PTPN14: variants seen among roughly 807,000 people sequenced by gnomAD.
The protein encoded by PTPN14 is tyrosine-protein phosphatase non-receptor type 14.
Under a neutral mutation model 126.8 loss-of-function variants are expected in PTPN14, and 53 were observed. The ratio of observed to expected loss-of-function variants is 0.42; its 90% confidence interval spans 0.34 to 0.53. The LOEUF is 0.53. Among genes scored for constraint, PTPN14 ranks in the 20% least tolerant of loss-of-function variants. PTPN14 has a pLI of 0.08. For synonymous variants in PTPN14, 630 were observed against 599.3 expected, an observed-to-expected ratio of 1.05 and a Z score of -0.75; for missense variants, 1,257 against 1,552.9, an observed-to-expected ratio of 0.81 and a Z score of 3.20.
intron 1 of PTPN14, among the ~76,000 whole-genome samples, chr1:214,527,385 G>A (rs1171481007): frequency 6.6e-6 from 1 of 152,042 alleles, no homozygotes; most frequent in African/African-American, 2.4e-5. Context: ...AATTCTCAAG[G>A]GGACTCAGCT....
At chr1:214,458,048 GAGAGAGAT>G (rs1229190119) in intron 2 of PTPN14, among the ~76,000 whole-genome samples, 1 of 146,640 alleles carries the variant, frequency 6.8e-6, no homozygotes, top group African/African-American at 2.7e-5. Flanking sequence ...TAGAGAGAGA[GAGAGAGAT>G]AGAGAGAGAG....
At chr1:214,461,466 G>A (rs371024995) in intron 2 of PTPN14, among the ~76,000 whole-genome samples, 6 of 151,728 alleles carry the variant, frequency 4.0e-5, no homozygotes, top group Non-Finnish European at 5.9e-5. Flanking sequence ...GATCCCATCC[G>A]TACAAAAAAT....
chr1:214,358,514 C>A (rs746087614), intron 18 of PTPN14, among the ~76,000 whole-genome samples: 43 of 152,114 alleles, frequency 2.8e-4, no homozygotes, highest in Non-Finnish European at 5.7e-4. Flanking sequence ...TCTCAACTCC[C>A]CTGCAACCCA....
intron 8 of PTPN14, 67 bp downstream of exon 8, chr1:214,397,846 A>G: frequency 1.4e-5 from 19 of 1,324,624 alleles, no homozygotes; most frequent in Non-Finnish European, 2.0e-5. Context: ...TTGGATGTTA[A>G]TGTAACATTA....
At chr1:214,448,418 A>AT (rs1660196113) in intron 3 of PTPN14, among the ~76,000 whole-genome samples, 2 of 100,464 alleles carry the variant, frequency 2.0e-5, no homozygotes, top group Non-Finnish European at 4.3e-5. Context: ...TTTTTTTTGT[A>AT]TTTTTTTAGT....
intron 11 of PTPN14, 133 bp from the exon 12 acceptor site, chr1:214,387,055 C>T: frequency 1.4e-6 from 1 of 724,608 alleles, no homozygotes; most frequent in Non-Finnish European, 2.3e-6. Context: ...CCCTGCCACC[C>T]CTTTGACTCA....
chr1:214,468,401 C>G (rs1660686905), intron 1 of PTPN14, among the ~76,000 whole-genome samples: 1 of 152,020 alleles, frequency 6.6e-6, no homozygotes, highest in Non-Finnish European at 1.5e-5. Flanking sequence ...ACCAAAAATA[C>G]AAAAATTAGC....
At chr1:214,538,902 C>A (rs1386264159) in intron 1 of PTPN14, among the ~76,000 whole-genome samples, 1 of 152,154 alleles carries the variant, frequency 6.6e-6, no homozygotes. Flanking sequence ...CAAATTTAAA[C>A]TGAACGTTAC....
rs114102400 is a variant in PTPN14 at position 214,435,507 on chromosome 1, A to C, written c.344+16298T>G. Among the ~76,000 whole-genome samples the C allele has an allele frequency of 9.9e-3, 1,505 of 152,280 alleles. 12 individuals carry two copies. Among genetic ancestry groups the C allele is most frequent in the African/African-American group, 0.034 (1,425 of 41,550 alleles). ...GTTCATGAAACCCTTTAAAAAAAAA[A>C]GTATTCAGTGAACTGGGTGTAAACA... On this transcript the variant is annotated intron_variant, in intron 3 of 18. Transcript: ENST00000366956.
rs1657745532 is a variant in PTPN14 at position 214,353,430 on chromosome 1, T to C, written c.*4492A>G. ...CCCCTCTTCCCCAAATATTTTTCAA[T>C]CTGTACTTGGTTGAATATAGGGATG... On this transcript the variant is annotated 3_prime_UTR_variant, in exon 19 of 19. Transcript: ENST00000366956. 1 of 152,224 alleles carries C rather than the reference T, an allele frequency of 6.6e-6. No individual in the cohort carries two copies. Among genetic ancestry groups the C allele is most frequent in the African/African-American group, 2.4e-5 (1 of 41,456 alleles). 9.4% of individuals were successfully genotyped at this position (152,224 alleles called of 1,614,324 possible).
chr1:214,529,112 G>C (rs1009283333), intron 1 of PTPN14: 3 of 152,038 alleles, frequency 2.0e-5, no homozygotes, highest in African/African-American at 4.8e-5. Flanking sequence ...AGACCAGCCT[G>C]GGGATATAGC....
chr1:214,478,032 A>G (rs112669014), intron 1 of PTPN14, among the ~76,000 whole-genome samples: 58 of 152,340 alleles, frequency 3.8e-4, no homozygotes, highest in African/African-American at 1.3e-3. Context: ...ATAAAAGGGC[A>G]GAAACCAACA....
At chr1:214,434,506 G>A (rs12751657) in intron 3 of PTPN14, among the ~76,000 whole-genome samples, 69,835 of 150,782 alleles carry the variant, frequency 0.46, 16,648 homozygotes, top group African/African-American at 0.59. Context: ...AACAGAAAGT[G>A]AATCAAAAGA....
chr1:214,539,852 G>T (rs112573105), intron 1 of PTPN14, among the ~76,000 whole-genome samples: 4,792 of 152,252 alleles, frequency 0.031, 124 homozygotes, highest in African/African-American at 0.072. Flanking sequence ...CTGGCACTCA[G>T]AAAACGTGCC....
chr1:214,477,322 G>A (rs1660889259), intron 1 of PTPN14, among the ~76,000 whole-genome samples: 1 of 152,156 alleles, frequency 6.6e-6, no homozygotes, highest in African/African-American at 2.4e-5. Flanking sequence ...AAACAGACAT[G>A]GTCGTGCTGC....
chr1:214,450,427 G>A lies in PTPN14; in HGVS notation c.344+1378C>T, dbSNP rs1342362174. Reference sequence around the variant, plus strand: ...GTGGAGGCTGCAGTAAGCCAAGATCGTGCCACTGCACTCCAGCCTGGGTGA... The same window carrying A: ...GTGGAGGCTGCAGTAAGCCAAGATCATGCCACTGCACTCCAGCCTGGGTGA... On this transcript the variant is annotated intron_variant, in intron 3 of 18. Transcript: ENST00000366956. Among the ~76,000 whole-genome samples, 13 of 151,106 alleles carry A rather than the reference G, an allele frequency of 8.6e-5. 1 individual carries two copies. Among genetic ancestry groups the A allele is most frequent in the Non-Finnish European group, 1.5e-4 (10 of 67,908 alleles).
chr1:214,409,207 G>A (rs1659240223), intron 5 of PTPN14, among the ~76,000 whole-genome samples: 1 of 152,114 alleles, frequency 6.6e-6, no homozygotes, highest in South Asian at 2.1e-4. Context: ...TCCTAACTTT[G>A]TACCCTTTGA....
chr1:214,520,517 C>A (rs1655229404), intron 1 of PTPN14, among the ~76,000 whole-genome samples: 1 of 152,086 alleles, frequency 6.6e-6, no homozygotes, highest in Non-Finnish European at 1.5e-5. Context: ...TTCAGGATGC[C>A]TGGAATCTAA....
At chr1:214,399,358 C>T (rs1558085609) in intron 7 of PTPN14, among the ~76,000 whole-genome samples, 2 of 152,206 alleles carry the variant, frequency 1.3e-5, no homozygotes. Context: ...TTTGTCACAA[C>T]ACATGTCCAG....
Sources: allele counts gnomAD v4.1 joint callset (sites outside exome capture counted in the v4.1 genomes callset), GRCh38; gene constraint gnomAD v4.1.1; transcripts MANE v1.5; gene names NCBI Gene and HGNC (gene_info 2026-07-23, HGNC 2026-07-21).